The following DPP10 variants were observed in gnomAD, a reference collection of about 807,000 sequenced individuals.
The protein encoded by DPP10 is inactive dipeptidyl peptidase 10.
DPP10 carries 33 observed loss-of-function variants against 120.9 expected under a neutral mutation model. The observed-to-expected ratio is 0.27, with a 90% CI of 0.21 to 0.37. The LOEUF (loss-of-function observed/expected upper bound fraction) is 0.37. Among genes scored for constraint, DPP10 ranks in the 10% least tolerant of loss-of-function variants. The pLI, the probability that DPP10 is intolerant of heterozygous loss-of-function variation, is 1.00. For synonymous variants in DPP10, 337 were observed against 326.1 expected (o/e 1.03, Z -0.36); for missense variants, 816 against 942.8 (o/e 0.87, Z 1.76).
chr2:115,618,208 C>CT (rs1351097817), intron 5 of DPP10, among the ~76,000 whole-genome samples: 1 of 152,102 alleles, frequency 6.6e-6, no homozygotes, highest in African/African-American at 2.4e-5. Context: ...AAATAATATG[C>CT]TTTCTACTAG....
intron 1 of DPP10, among the ~76,000 whole-genome samples, chr2:114,632,576 G>A (rs1388910042): frequency 7.1e-6 from 1 of 141,194 alleles, no homozygotes; most frequent in African/African-American, 2.7e-5. Context: ...GTAGTGGTGC[G>A]ATCTCGGCTC....
intron 2 of DPP10, among the ~76,000 whole-genome samples, chr2:115,327,948 AG>A (rs1191450767): frequency 6.6e-6 from 1 of 152,064 alleles, no homozygotes; most frequent in Non-Finnish European, 1.5e-5. Flanking sequence ...TTGTATCACA[AG>A]TGAAAATTTC....
intron 3 of DPP10, among the ~76,000 whole-genome samples, chr2:115,367,132 C>G (rs1233439788): frequency 6.6e-6 from 1 of 152,024 alleles, no homozygotes; most frequent in African/African-American, 2.4e-5. Flanking sequence ...AGCAGACAGA[C>G]CGCCCATAAT....
chr2:115,241,491 T>C (rs1355086738), intron 1 of DPP10, among the ~76,000 whole-genome samples: 1 of 152,202 alleles, frequency 6.6e-6, no homozygotes, highest in African/African-American at 2.4e-5. Context: ...TAAAGCAGTA[T>C]GCACTTATTC....
At chr2:115,532,771 T>C (rs1355374408) in intron 5 of DPP10, among the ~76,000 whole-genome samples, 11 of 151,990 alleles carry the variant, frequency 7.2e-5, no homozygotes, top group Admixed American at 7.2e-4. Flanking sequence ...AGAATATTTG[T>C]GGTTAATATT....
rs540041353 is a variant in DPP10 at position 114,497,168 on chromosome 2, TG to T, written c.60+54331del. Among the ~76,000 whole-genome samples, 547 of 149,378 alleles carry T rather than the reference TG, an allele frequency of 3.7e-3. 3 individuals are homozygous for T. The highest frequency in any genetic ancestry group is 0.013 in the African/African-American group (519 of 40,582). On this transcript the variant is annotated intron_variant, in intron 1 of 25. Coordinates refer to ENST00000410059, the MANE Select transcript of DPP10 (RefSeq NM_020868.6). ...ACGTGTATACATGTAGGTGTACACGTGTATACATGTGTACGTGTATACATGT... is the reference window on the plus strand; with the variant it reads ...ACGTGTATACATGTAGGTGTACACGTTATACATGTGTACGTGTATACATGT...
chr2:115,381,798 T>G (rs945672353), intron 3 of DPP10, among the ~76,000 whole-genome samples: 2 of 151,962 alleles, frequency 1.3e-5, no homozygotes, highest in African/African-American at 4.8e-5. Flanking sequence ...GCAGGTCTGT[T>G]GGAGTACCCG....
Position 114,477,939 on chromosome 2 carries a change from A to G in DPP10, c.60+35101A>G, listed in dbSNP as rs112930474. ...TATGTGTATATATGTACATATGTGT[A>G]TATATGTACATATATGTGTGTATAT... is the stretch of plus-strand genomic sequence containing the variant. On this transcript the variant is annotated intron_variant, in intron 1 of 25. Transcript: ENST00000410059. 1.7e-4 allele frequency among the ~76,000 whole-genome samples: 26 copies of G among 150,784 alleles called. No homozygotes were observed. The East Asian group carries it at 2.5e-3, about 15-fold the overall frequency.
At chr2:114,967,440 A>C (rs888539003) in intron 1 of DPP10, among the ~76,000 whole-genome samples, 5 of 152,194 alleles carry the variant, frequency 3.3e-5, no homozygotes, top group African/African-American at 1.2e-4. Flanking sequence ...CTGGATTCTC[A>C]GTGAAATTTG....
intron 5 of DPP10, among the ~76,000 whole-genome samples, chr2:115,599,831 T>C (rs1399614733): frequency 1.4e-5 from 2 of 147,218 alleles, no homozygotes; most frequent in African/African-American, 2.5e-5. Context: ...GTCACACATA[T>C]AGTGCATTGT....
intron 1 of DPP10, among the ~76,000 whole-genome samples, chr2:114,469,653 A>G (rs1009837158): frequency 1.3e-5 from 2 of 152,270 alleles, no homozygotes; most frequent in South Asian, 2.1e-4. Flanking sequence ...CCTTGAACCC[A>G]GGAGGCCAAG....
chr2:115,455,699 A>G (rs2073472664), intron 3 of DPP10, among the ~76,000 whole-genome samples: 1 of 152,176 alleles, frequency 6.6e-6, no homozygotes, highest in African/African-American at 2.4e-5. Flanking sequence ...CAAACCTGAC[A>G]AAAACAAGCA....
chr2:114,964,540 T>C (rs1409224293), intron 1 of DPP10, among the ~76,000 whole-genome samples: 2 of 151,318 alleles, frequency 1.3e-5, no homozygotes, highest in Admixed American at 6.6e-5. Context: ...CTAGGAGACA[T>C]GAAAGAATGA....
chr2:115,280,192 T>C (rs1479537047), intron 1 of DPP10, among the ~76,000 whole-genome samples: 3 of 152,220 alleles, frequency 2.0e-5, no homozygotes, highest in Non-Finnish European at 2.9e-5. Context: ...ATCTTAGTCA[T>C]ACTAGTGAGT....
At chr2:115,188,437 G>A (rs905998705) in intron 1 of DPP10, among the ~76,000 whole-genome samples, 3 of 151,960 alleles carry the variant, frequency 2.0e-5, no homozygotes, top group African/African-American at 2.4e-5. Context: ...AAATTTTCAC[G>A]GAAATTAACT....
At chr2:115,075,318 A>C (rs1018806367) in intron 1 of DPP10, among the ~76,000 whole-genome samples, 1 of 152,214 alleles carries the variant, frequency 6.6e-6, no homozygotes, top group African/African-American at 2.4e-5. Flanking sequence ...CAGCAATCCT[A>C]GAAGAGAAGC....
chr2:114,628,953 T>C (rs1694715751), intron 1 of DPP10, among the ~76,000 whole-genome samples: 1 of 152,156 alleles, frequency 6.6e-6, no homozygotes, highest in Non-Finnish European at 1.5e-5. Flanking sequence ...TTCCCTAAGA[T>C]TCCTAGAATG....
intron 5 of DPP10, among the ~76,000 whole-genome samples, chr2:115,660,179 G>T (rs969637392): frequency 1.1e-4 from 17 of 152,146 alleles, no homozygotes; most frequent in Admixed American, 1.1e-3. Flanking sequence ...TGAGATGTCT[G>T]TTTATTACGT....
chr2:115,279,649 C>CTTTTTTTTTTTTTTTTTTTTTTT (rs2060068274), intron 1 of DPP10, among the ~76,000 whole-genome samples: 1 of 50,034 alleles, frequency 2.0e-5, no homozygotes, highest in African/African-American at 7.2e-5. Context: ...TTCTTTTTTT[C>CTTTTTTTTTTTTTTTTTTTTTTT]TTCTTCTTTT....
Sources: allele counts gnomAD v4.1 joint callset (sites outside exome capture counted in the v4.1 genomes callset), GRCh38; gene constraint gnomAD v4.1.1; transcripts MANE v1.5; gene names NCBI Gene and HGNC (gene_info 2026-07-23, HGNC 2026-07-21).